Variants in ADAMTSL1 observed in about 807,000 individuals in gnomAD.
ADAMTSL1 encodes the protein ADAMTS-like protein 1.
Under a neutral mutation model 201.8 loss-of-function variants are expected in ADAMTSL1, and 126 were observed. The ratio of observed to expected loss-of-function variants is 0.62; its 90% confidence interval spans 0.54 to 0.72. The LOEUF is 0.72. ADAMTSL1 is among the 30% of genes least tolerant of loss of function. The pLI, the probability that ADAMTSL1 is intolerant of heterozygous loss-of-function variation, is 0.00. For synonymous variants in ADAMTSL1, 1,121 were observed against 903.4 expected (o/e 1.24, Z -4.32); for missense variants, 2,679 against 2,277.8 (o/e 1.18, Z -3.59).
At chr9:18,903,495 G>T (rs1472568877) in intron 26 of ADAMTSL1, among the ~76,000 whole-genome samples, 1 of 152,178 alleles carries the variant, frequency 6.6e-6, no homozygotes, top group Non-Finnish European at 1.5e-5. Context: ...CTCCTGAGTT[G>T]CTGACAGCAT....
chr9:17,918,337 T>C (rs1826182431), intron 1 of ADAMTSL1, among the ~76,000 whole-genome samples: 1 of 71,628 alleles, frequency 1.4e-5, no homozygotes, highest in South Asian at 4.1e-4. Flanking sequence ...TTTCTATATG[T>C]ATTTTTTTTT....
At chr9:18,148,890 T>C (rs1263389958) in intron 1 of ADAMTSL1, among the ~76,000 whole-genome samples, 11 of 152,142 alleles carry the variant, frequency 7.2e-5, no homozygotes, top group African/African-American at 2.7e-4. Context: ...CTATATGTAA[T>C]ACATGTTTAC....
intron 17 of ADAMTSL1, among the ~76,000 whole-genome samples, chr9:18,771,735 GA>G (rs1820703712): frequency 7.7e-5 from 9 of 116,656 alleles, no homozygotes; most frequent in South Asian, 3.4e-4. Context: ...TTTTTTTTTG[GA>G]TAGTATACAA....
chr9:18,641,835 A>G lies in ADAMTSL1; in HGVS notation c.834+2424A>G, dbSNP rs1412975620. ...TTCATGACTTAGCTTTTATAATTAT[A>G]TATATCATATGAATTAAGCTTTCAG... On this transcript the variant is annotated intron_variant, in intron 7 of 28. Transcript: ENST00000380548. 1.4e-4 allele frequency among the ~76,000 whole-genome samples: 22 copies of G among 151,962 alleles called. No homozygotes were observed. The East Asian group carries it at 3.8e-3, about 27-fold the overall frequency.
chr9:17,964,427 T>C (rs904425818), intron 1 of ADAMTSL1, among the ~76,000 whole-genome samples: 2 of 152,092 alleles, frequency 1.3e-5, no homozygotes, highest in Non-Finnish European at 2.9e-5. Context: ...GAAAACAAAT[T>C]AGTGGTAGCC....
Position 18,684,800 on chromosome 9 carries a change from C to G in ADAMTSL1, c.1574C>G (p.Ser525Trp). ...EEGAAVSEEP[S>W]FIPEAWSACT... The stretch of plus-strand genomic sequence containing the variant: ...GGAGCTGCTGTGTCAGAGGAGCCCT[C>G]GTAAGTTGTAAAAGCACAGACTGTT... The change falls in exon 13 of 29, where the codon TCG becomes TGG. Residue 525 changes from serine (S) to tryptophan (W), a missense_variant and splice_region_variant. Coordinates refer to ENST00000380548, the MANE Select transcript of ADAMTSL1 (RefSeq NM_001040272.6). 1.9e-6 allele frequency: 3 copies of G among 1,609,318 alleles called. No homozygotes were observed. The highest frequency in any genetic ancestry group is 2.5e-6 in the Non-Finnish European group (3 of 1,178,072).
At chr9:18,655,694 G>T (rs1828595221) in intron 7 of ADAMTSL1, among the ~76,000 whole-genome samples, 1 of 150,322 alleles carries the variant, frequency 6.7e-6, no homozygotes, top group Admixed American at 6.6e-5. Flanking sequence ...CTAAACAAAT[G>T]CTCTGGTCTT....
intron 2 of ADAMTSL1, among the ~76,000 whole-genome samples, chr9:18,521,464 A>T (rs1024785933): frequency 6.6e-6 from 1 of 151,840 alleles, no homozygotes; most frequent in Non-Finnish European, 1.5e-5. Context: ...TAAAAATTTA[A>T]AAAAAGCATT....
rs762184822 is a variant in ADAMTSL1 at position 18,721,638 on chromosome 9, C to A, written c.1979C>A (p.Ser660Tyr). ...CGCCGGCCCCCACAGCTCCTGAAGT[C>A]CTGCAATTTGGATCCCTGCCCAGCA... ...TSRRPPQLLK[S>Y]CNLDPCPARW... The change falls in exon 15 of 29, where the codon TCC (serine) becomes TAC (tyrosine). Residue 660 changes from serine to tyrosine, a missense_variant. Physicochemically the swap from Ser to Tyr is moderately radical, Grantham distance 144 (BLOSUM62 -2). Coordinates refer to ENST00000380548, the MANE Select transcript of ADAMTSL1 (RefSeq NM_001040272.6). The A allele has an allele frequency of 8.1e-6, 13 of 1,613,948 alleles. No individual in the cohort carries two copies. The highest frequency in any genetic ancestry group is 1.0e-5 in the Non-Finnish European group (12 of 1,179,872).
At chr9:18,409,500 C>T (rs1818343362) in intron 2 of ADAMTSL1, among the ~76,000 whole-genome samples, 1 of 151,026 alleles carries the variant, frequency 6.6e-6, no homozygotes, top group South Asian at 2.1e-4. Flanking sequence ...TAATCATATA[C>T]TTCCATTTGC....
chr9:18,756,228 G>T (rs1034350249), intron 16 of ADAMTSL1, among the ~76,000 whole-genome samples: 3 of 127,474 alleles, frequency 2.4e-5, no homozygotes, highest in Non-Finnish European at 1.6e-5. Context: ...GCAGTGAGCC[G>T]AGATTGCACC....
chr9:18,723,191 A>T (rs1367528097), intron 15 of ADAMTSL1: 1 of 701,454 alleles, frequency 1.4e-6, no homozygotes, highest in Admixed American at 2.1e-5. Context: ...CTGAGATCCC[A>T]TGACTTGCTC....
At position 17,947,028 on chromosome 9, in the gene ADAMTSL1, A is replaced by G. The variant is rs181079808; in HGVS notation, c.87+40106A>G. On this transcript the variant is annotated intron_variant, in intron 1 of 29. Coordinates refer to the ADAMTSL1 transcript ENST00000680146. ...TCCAACTGATGATAAAGGAGCAAAG[A>G]TATAAAGTACACACTGCCTGGCAGA... Among the ~76,000 whole-genome samples, 302 of 152,198 alleles carry G rather than the reference A, an allele frequency of 2.0e-3. 4 individuals are homozygous for G. Among genetic ancestry groups the G allele is most frequent in the African/African-American group, 6.6e-3 (274 of 41,542 alleles).
At chr9:18,490,473 C>T (rs1587360345) in intron 1 of ADAMTSL1, among the ~76,000 whole-genome samples, 1 of 152,238 alleles carries the variant, frequency 6.6e-6, no homozygotes, top group Middle Eastern at 3.4e-3. Context: ...AAATAGCGAG[C>T]TTGGTTTTGG....
intron 20 of ADAMTSL1, among the ~76,000 whole-genome samples, chr9:18,803,850 G>A (rs1822946816): frequency 6.6e-6 from 1 of 152,084 alleles, no homozygotes; most frequent in South Asian, 2.1e-4. Flanking sequence ...TCCAGATAGA[G>A]TCAGAGTGTT....
chr9:18,525,922 T>A (rs1255001573), intron 2 of ADAMTSL1, among the ~76,000 whole-genome samples: 1 of 152,210 alleles, frequency 6.6e-6, no homozygotes, highest in African/African-American at 2.4e-5. Flanking sequence ...TATATTCTGT[T>A]GATTTGGGGT....
chr9:17,970,774 T>A (rs1384797442), intron 1 of ADAMTSL1, among the ~76,000 whole-genome samples: 2 of 152,078 alleles, frequency 1.3e-5, no homozygotes, highest in Admixed American at 1.3e-4. Context: ...CTTACTCCTA[T>A]CTTCACACTT....
chr9:17,961,521 G>T (rs1263130618), intron 1 of ADAMTSL1, among the ~76,000 whole-genome samples: 2 of 152,154 alleles, frequency 1.3e-5, no homozygotes, highest in East Asian at 3.9e-4. Flanking sequence ...AGAGTGCTGG[G>T]ATTACAGGCG....
intron 5 of ADAMTSL1, among the ~76,000 whole-genome samples, chr9:18,625,014 A>T (rs1253039906): frequency 6.6e-6 from 1 of 152,142 alleles, no homozygotes; most frequent in Non-Finnish European, 1.5e-5. Context: ...TGCCTCACTT[A>T]TGTTTCTCTA....
Sources: gnomAD v4.1 joint callset for allele counts (sites outside exome capture counted in the v4.1 genomes callset) on GRCh38, gnomAD v4.1.1 for gene constraint, MANE v1.5 for transcripts, NCBI Gene and HGNC (gene_info 2026-07-23, HGNC 2026-07-21) for gene names.